Variants in CACNA1E observed in about 807,000 individuals in gnomAD.
CACNA1E encodes calcium voltage-gated channel subunit alpha1 E, also known as voltage-dependent R-type calcium channel subunit alpha-1E.
Under a neutral mutation model 259.2 loss-of-function variants are expected in CACNA1E, and 40 were observed. The ratio of observed to expected loss-of-function variants is 0.15; its 90% CI spans 0.12 to 0.20. CACNA1E has a LOEUF of 0.20. Among genes scored for constraint, CACNA1E ranks in the 10% least tolerant of loss-of-function variants. CACNA1E has a pLI of 1.00. For synonymous variants in CACNA1E, 1,104 were observed against 1,138.5 expected (o/e 0.97, Z 0.61); for missense variants, 1,874 against 3,040.1 (o/e 0.62, Z 9.02).
chr1:181,702,764 A>G (rs1652398632), intron 7 of CACNA1E, among the ~76,000 whole-genome samples: 1 of 152,056 alleles, frequency 6.6e-6, no homozygotes, highest in South Asian at 2.1e-4. Flanking sequence ...CTCTCATGTC[A>G]TTCCTCAAGC....
intron 2 of CACNA1E, among the ~76,000 whole-genome samples, chr1:181,477,902 T>C (rs547719309): frequency 5.9e-5 from 9 of 152,382 alleles, no homozygotes; most frequent in Non-Finnish European, 1.2e-4. Flanking sequence ...GGTATTATTC[T>C]TAACAATTAA....
chr1:181,468,083 G>A (rs116488349), intron 2 of CACNA1E, among the ~76,000 whole-genome samples: 231 of 152,296 alleles, frequency 1.5e-3, no homozygotes, highest in African/African-American at 5.1e-3. Flanking sequence ...AGGTTGATGT[G>A]TGTGGCTAGA....
chr1:181,465,019 T>C (rs1413738307), intron 2 of CACNA1E, among the ~76,000 whole-genome samples: 1 of 152,186 alleles, frequency 6.6e-6, no homozygotes, highest in African/African-American at 2.4e-5. Flanking sequence ...TTTTCTTCCA[T>C]TTAAATTTCC....
chr1:181,425,465 T>C (rs1213001585), intron 2 of CACNA1E, among the ~76,000 whole-genome samples: 2 of 151,432 alleles, frequency 1.3e-5, no homozygotes, highest in Non-Finnish European at 1.5e-5. Flanking sequence ...GTGAACATAA[T>C]TGGAGGAATT....
chr1:181,362,303 T>G (rs1653939289), intron 1 of CACNA1E, among the ~76,000 whole-genome samples: 1 of 152,200 alleles, frequency 6.6e-6, no homozygotes, highest in Non-Finnish European at 1.5e-5. Flanking sequence ...TCCTAGTAGG[T>G]GCAGAAATGG....
At chr1:181,404,190 A>G (rs1657305930) in intron 1 of CACNA1E, among the ~76,000 whole-genome samples, 1 of 152,204 alleles carries the variant, frequency 6.6e-6, no homozygotes, top group Admixed American at 6.5e-5. Flanking sequence ...ACGGTGCACA[A>G]GGTTGGGGGA....
In CACNA1E at chr1:181,458,852, TCC is replaced by T. The variant is rs1461286157; in HGVS notation, c.435-24891_435-24890del. Among the ~76,000 whole-genome samples, 10 of 148,740 alleles carry T rather than the reference TCC, an allele frequency of 6.7e-5. No individual in the cohort carries two copies. In the East Asian group the frequency reaches 1.9e-3, roughly 29 times the overall value. The stretch of plus-strand genomic sequence containing the variant: ...ATCCATCCATCCATCCATCCATCCA[TCC>T]ATCCATCCATCCATCCACCCATCCA... On this transcript the variant is annotated intron_variant, in intron 2 of 11. Coordinates refer to the CACNA1E transcript ENST00000524607.
At chr1:181,490,589 G>C (rs1664229635) in intron 1 of CACNA1E, among the ~76,000 whole-genome samples, 1 of 141,028 alleles carries the variant, frequency 7.1e-6, no homozygotes, top group Non-Finnish European at 1.5e-5. Flanking sequence ...TTGAATCACT[G>C]TTGCAACTCT....
At chr1:181,586,512 C>T (rs1652083061) in intron 6 of CACNA1E, among the ~76,000 whole-genome samples, 1 of 151,988 alleles carries the variant, frequency 6.6e-6, no homozygotes, top group African/African-American at 2.4e-5. Flanking sequence ...TGAGAAGGAG[C>T]AGTAGGGAGG....
At chr1:181,722,033 C>T (rs942081936) in intron 16 of CACNA1E, among the ~76,000 whole-genome samples, 158 bp downstream of exon 16, 1 of 152,108 alleles carries the variant, frequency 6.6e-6, no homozygotes, top group Non-Finnish European at 1.5e-5. Context: ...ATCTGAAGGA[C>T]TTTATGTACT....
intron 44 of CACNA1E, among the ~76,000 whole-genome samples, chr1:181,791,777 A>G (rs150008389): frequency 1.6e-3 from 242 of 152,152 alleles, no homozygotes; most frequent in African/African-American, 5.6e-3. Flanking sequence ...TTAAATTCTG[A>G]TTCATCTGTG....
intron 6 of CACNA1E, among the ~76,000 whole-genome samples, chr1:181,582,680 T>C (rs1025714690): frequency 3.3e-5 from 5 of 152,216 alleles, no homozygotes; most frequent in Non-Finnish European, 5.9e-5. Context: ...TTTCTGTGTT[T>C]ATTAACTGAG....
intron 25 of CACNA1E, among the ~76,000 whole-genome samples, chr1:181,741,391 G>A (rs986987259): frequency 6.6e-6 from 1 of 152,136 alleles, no homozygotes; most frequent in South Asian, 2.1e-4. Flanking sequence ...CTTAGGACGG[G>A]GCCTGATGTA....
intron 3 of CACNA1E, among the ~76,000 whole-genome samples, chr1:181,533,768 C>T (rs1558096819): frequency 6.6e-6 from 1 of 152,060 alleles, no homozygotes; most frequent in Non-Finnish European, 1.5e-5. Context: ...ATTTTTTCCA[C>T]TTATGACTTG....
intron 2 of CACNA1E, among the ~76,000 whole-genome samples, chr1:181,453,202 G>A (rs772546448): frequency 3.3e-5 from 5 of 152,186 alleles, no homozygotes; most frequent in Non-Finnish European, 5.9e-5. Flanking sequence ...GTAGGCATGA[G>A]TTAGAGATTA....
At chr1:181,373,181 G>GT (rs372670991) in intron 1 of CACNA1E, among the ~76,000 whole-genome samples, 1 of 152,176 alleles carries the variant, frequency 6.6e-6, no homozygotes, top group African/African-American at 2.4e-5. Context: ...TTTCTTCTCA[G>GT]TTTTTTGGAA....
At chr1:181,478,344 T>C (rs1195148369) in intron 2 of CACNA1E, among the ~76,000 whole-genome samples, 2 of 152,180 alleles carry the variant, frequency 1.3e-5, no homozygotes, top group East Asian at 3.8e-4. Flanking sequence ...GGGACGGACA[T>C]TACATAAGGA....
chr1:181,435,048 G>A lies in CACNA1E; in HGVS notation c.434+21468G>A, dbSNP rs189026262. On this transcript the variant is annotated intron_variant, in intron 2 of 11. Coordinates refer to the CACNA1E transcript ENST00000524607. Reference sequence around the variant, plus strand: ...CCATTGTAAGTGAAAAATATCATCAGTCAAAACTGCATTTAACACCATCTA... The same window carrying A: ...CCATTGTAAGTGAAAAATATCATCAATCAAAACTGCATTTAACACCATCTA... Among the ~76,000 whole-genome samples, 9 of 152,312 alleles carry A rather than the reference G, an allele frequency of 5.9e-5. No homozygotes were observed. The East Asian group carries it at 1.7e-3, about 29-fold the overall frequency.
intron 1 of CACNA1E, among the ~76,000 whole-genome samples, chr1:181,349,793 G>A (rs1473349600): frequency 6.6e-6 from 1 of 152,086 alleles, no homozygotes; most frequent in Non-Finnish European, 1.5e-5. Flanking sequence ...TGTGTATAGG[G>A]GTATTGTGGA....
Sources: gnomAD v4.1 joint callset for allele counts (sites outside exome capture counted in the v4.1 genomes callset) on GRCh38, gnomAD v4.1.1 for gene constraint, MANE v1.5 for transcripts, NCBI Gene and HGNC (gene_info 2026-07-23, HGNC 2026-07-21) for gene names.